The following ADCY2 variants were observed in gnomAD, a reference collection of about 807,000 sequenced individuals.
ADCY2 encodes the protein adenylate cyclase type 2.
In ADCY2, 31 loss-of-function variants were observed where a neutral mutation model predicts 125.2. The ratio of observed to expected loss-of-function variants is 0.25; its 90% CI spans 0.19 to 0.33. ADCY2 has a LOEUF of 0.33. Among genes scored for constraint, ADCY2 ranks in the 10% least tolerant of loss-of-function variants. The pLI, the probability that ADCY2 is intolerant of heterozygous loss-of-function variation, is 1.00. For synonymous variants in ADCY2, 512 were observed against 548.4 expected (o/e 0.93, Z 0.93); for missense variants, 904 against 1,418.2 (o/e 0.64, Z 5.82).
In ADCY2 at chr5:7,690,674, T is replaced by C. The variant is rs748923489; in HGVS notation, c.721-17T>C. The C allele has an allele frequency of 3.0e-5, 46 of 1,544,192 alleles. 1 individual carries two copies. The Middle Eastern group carries it at 2.5e-3, about 84-fold the overall frequency. ...GTGTCTGAGAGACATTTGTTCCTCCTTCCCCACCTTGTCCAGGAGCGGCTT... is the reference window on the plus strand; with the variant it reads ...GTGTCTGAGAGACATTTGTTCCTCCCTCCCCACCTTGTCCAGGAGCGGCTT... On this transcript the variant is annotated splice_polypyrimidine_tract_variant and intron_variant, in intron 4 of 24. Transcript: ENST00000338316.
intron 18 of ADCY2, among the ~76,000 whole-genome samples, chr5:7,779,836 A>C (rs1468759717): frequency 6.6e-6 from 1 of 152,222 alleles, no homozygotes; most frequent in African/African-American, 2.4e-5. Flanking sequence ...AATGCCCAGA[A>C]ACCCCTTAGG....
intron 2 of ADCY2, among the ~76,000 whole-genome samples, chr5:7,441,743 G>A (rs1461132839): frequency 6.6e-6 from 1 of 152,130 alleles, no homozygotes; most frequent in African/African-American, 2.4e-5. Flanking sequence ...AAGGAATTTT[G>A]TAGATATGGT....
intron 12 of ADCY2, among the ~76,000 whole-genome samples, chr5:7,721,418 A>C (rs972901234): frequency 2.0e-5 from 3 of 152,108 alleles, no homozygotes; most frequent in Admixed American, 1.3e-4. Context: ...TCCATTTGTC[A>C]ATTTTGGCTT....
chr5:7,480,671 T>C (rs1159967468), intron 2 of ADCY2, among the ~76,000 whole-genome samples: 2 of 151,980 alleles, frequency 1.3e-5, no homozygotes, highest in African/African-American at 2.4e-5. Flanking sequence ...AATACCTGGG[T>C]CATGAAATAA....
intron 2 of ADCY2, among the ~76,000 whole-genome samples, chr5:7,454,266 T>C (rs759721863): frequency 9.9e-5 from 15 of 152,232 alleles, no homozygotes; most frequent in Non-Finnish European, 2.1e-4. Context: ...AATGTGCTTT[T>C]AAATTAAGGT....
intron 3 of ADCY2, among the ~76,000 whole-genome samples, chr5:7,611,792 A>G (rs2126644404): frequency 6.6e-6 from 1 of 152,322 alleles, no homozygotes; most frequent in South Asian, 2.1e-4. Flanking sequence ...GCTTCCTAAG[A>G]GAAGTGTGCC....
intron 3 of ADCY2, among the ~76,000 whole-genome samples, chr5:7,589,456 GAAA>G (rs561342689): frequency 0.011 from 236 of 22,272 alleles, 1 homozygote; most frequent in African/African-American, 0.029. Flanking sequence ...AAGAAGGAAA[GAAA>G]AAGAAAGAAA....
At chr5:7,825,926 C>T (rs1192921663) in intron 24 of ADCY2, among the ~76,000 whole-genome samples, 1 of 152,230 alleles carries the variant, frequency 6.6e-6, no homozygotes, top group Non-Finnish European at 1.5e-5. Flanking sequence ...ATCCGACCTG[C>T]AGGGCCTGGA....
intron 2 of ADCY2, among the ~76,000 whole-genome samples, chr5:7,439,224 T>C (rs1740917380): frequency 6.6e-6 from 1 of 152,176 alleles, no homozygotes; most frequent in Admixed American, 6.5e-5. Context: ...CTGGGTAATT[T>C]ATGAAGGAAA....
In ADCY2 at chr5:7,757,510, C is replaced by T; in HGVS notation, c.2018C>T (p.Ala673Val). ...CTTTTGAAGTCCTCGGGCATCATTGCCAACCGCCCCTGGCCACGGATCTCT... is the reference window on the plus strand; with the variant it reads ...CTTTTGAAGTCCTCGGGCATCATTGTCAACCGCCCCTGGCCACGGATCTCT... ...MWLLKSSGII[A>V]NRPWPRISLT... The change falls in exon 16 of 25, where the codon GCC becomes GTC. Residue 673 changes from alanine to valine, a missense_variant. Ala to Val is a moderately conservative substitution (Grantham distance 64). Coordinates refer to ENST00000338316, the MANE Select transcript of ADCY2 (RefSeq NM_020546.3). 3 of 1,614,116 alleles carry T rather than the reference C, an allele frequency of 1.9e-6. No homozygotes were observed. The highest frequency in any genetic ancestry group is 2.2e-5 in the East Asian group (1 of 44,860).
At chr5:7,512,234 A>AAAAAAAAAAAAAAAAAAAAAAAC (rs1384262441) in intron 2 of ADCY2, among the ~76,000 whole-genome samples, 4 of 112,212 alleles carry the variant, frequency 3.6e-5, no homozygotes, top group Non-Finnish European at 7.3e-5. Context: ...AAAAAAAAAA[A>AAAAAAAAAAAAAAAAAAAAAAAC]AAAAAAGAAA....
intron 18 of ADCY2, among the ~76,000 whole-genome samples, chr5:7,783,262 A>C (rs184352979): frequency 2.0e-5 from 3 of 152,270 alleles, no homozygotes; most frequent in Admixed American, 2.0e-4. Context: ...GTTAAAAATC[A>C]CAAGTATCAT....
intron 2 of ADCY2, among the ~76,000 whole-genome samples, chr5:7,503,812 G>C (rs1448947829): frequency 6.6e-6 from 1 of 152,150 alleles, no homozygotes; most frequent in African/African-American, 2.4e-5. Flanking sequence ...ATGGACACCT[G>C]GTTCAACCCA....
intron 3 of ADCY2, among the ~76,000 whole-genome samples, chr5:7,625,426 A>C (rs1177202833): frequency 6.6e-6 from 1 of 152,236 alleles, no homozygotes; most frequent in East Asian, 1.9e-4. Flanking sequence ...TGGAGTAGGC[A>C]GACAAGGCCG....
At chr5:7,796,318 T>C (rs529503728) in intron 20 of ADCY2, 12 of 152,298 alleles carry the variant, frequency 7.9e-5, no homozygotes, top group Admixed American at 5.9e-4. Context: ...TGATGACTTT[T>C]TGAGTCCAGG....
At chr5:7,541,577 C>T (rs1734997806) in intron 3 of ADCY2, among the ~76,000 whole-genome samples, 1 of 152,190 alleles carries the variant, frequency 6.6e-6, no homozygotes, top group South Asian at 2.1e-4. Context: ...CCAGGTGGCC[C>T]ACAATGGTCA....
At chr5:7,408,964 G>T (rs1183252183) in intron 1 of ADCY2, among the ~76,000 whole-genome samples, 1 of 152,124 alleles carries the variant, frequency 6.6e-6, no homozygotes, top group African/African-American at 2.4e-5. Flanking sequence ...CAACAGCAAA[G>T]ACATGGAATC....
At position 7,826,865 on chromosome 5, in the gene ADCY2, A is replaced by C. The variant is rs1745497564; in HGVS notation, c.3270A>C (p.Ala1090=). 1 of 1,604,498 alleles carries C rather than the reference A, an allele frequency of 6.2e-7. No individual in the cohort carries two copies. The highest frequency in any genetic ancestry group is 1.1e-5 in the South Asian group (1 of 88,776). Residue 1090 remains alanine (A), a synonymous_variant, in exon 25 of 25, where the codon GCA becomes GCC. Coordinates refer to ENST00000338316, the MANE Select transcript of ADCY2 (RefSeq NM_020546.3). The stretch of plus-strand genomic sequence containing the variant: ...GGTCCCTTTCCCAGAGCAACGTGGC[A>C]TCCTGAAGAGTCACCTTCATTTTGG... ...MSRSLSQSNV[A]S is the part of the protein sequence containing the mutation.
chr5:7,756,057 G>A (rs11750832), intron 15 of ADCY2, among the ~76,000 whole-genome samples: 73,145 of 152,102 alleles, frequency 0.48, 18,711 homozygotes, highest in East Asian at 0.66. Context: ...AAGACACATA[G>A]CCTTGGGACC....
Sources: allele counts gnomAD v4.1 joint callset (sites outside exome capture counted in the v4.1 genomes callset), GRCh38; gene constraint gnomAD v4.1.1; transcripts MANE v1.5; gene names NCBI Gene and HGNC (gene_info 2026-07-23, HGNC 2026-07-21).